The following SAMD4A variants were observed in gnomAD, a reference collection of about 807,000 sequenced individuals.
SAMD4A encodes the protein sterile alpha motif domain containing 4A, also known as protein Smaug homolog 1.
SAMD4A carries 33 observed loss-of-function variants against 81.3 expected under a neutral mutation model. That is an observed-to-expected ratio of 0.41 (90% CI 0.31 to 0.54). SAMD4A has a LOEUF of 0.54. Ranked by LOEUF, SAMD4A falls within the 20% of genes least tolerant of loss-of-function variation. The pLI is 0.37. For synonymous variants in SAMD4A, 389 were observed against 382.1 expected (o/e 1.02, Z -0.21); for missense variants, 854 against 951.1 (o/e 0.90, Z 1.34).
chr14:54,609,093 A>G (rs535490434), intron 2 of SAMD4A, among the ~76,000 whole-genome samples: 1 of 152,292 alleles, frequency 6.6e-6, no homozygotes, highest in East Asian at 1.9e-4. Context: ...TGTTACATGG[A>G]GTAGGGGGAT....
chr14:54,697,244 C>T (rs1176276144), intron 2 of SAMD4A, among the ~76,000 whole-genome samples: 1 of 152,158 alleles, frequency 6.6e-6, no homozygotes, highest in Non-Finnish European at 1.5e-5. Flanking sequence ...CTCATGCTAA[C>T]TAGAAAGCAG....
intron 2 of SAMD4A, among the ~76,000 whole-genome samples, chr14:54,655,411 G>A (rs920397851): frequency 1.3e-5 from 2 of 152,154 alleles, no homozygotes; most frequent in Admixed American, 6.5e-5. Context: ...TCTTTGTTGA[G>A]AGACATTAAA....
At chr14:54,764,181 T>C (rs1457820058) in intron 7 of SAMD4A, among the ~76,000 whole-genome samples, 2 of 152,226 alleles carry the variant, frequency 1.3e-5, no homozygotes, top group Admixed American at 1.3e-4. Context: ...TGCTGTGTTC[T>C]TCCTCTTATT....
intron 2 of SAMD4A, among the ~76,000 whole-genome samples, chr14:54,598,152 A>C (rs937924167): frequency 4.6e-5 from 7 of 152,234 alleles, no homozygotes; most frequent in Non-Finnish European, 8.8e-5. Context: ...GTGAAAACTG[A>C]GACACAAACA....
rs879495278 is a variant in SAMD4A at position 54,752,754 on chromosome 14, G to A, written c.1176+1217G>A. 1.4e-3 allele frequency among the ~76,000 whole-genome samples: 218 copies of A among 152,254 alleles called. 1 individual carries two copies. Among genetic ancestry groups the A allele is most frequent in the Admixed American group, 0.013 (193 of 15,290 alleles). The stretch of plus-strand genomic sequence containing the variant: ...ACTCAGCATACGAAGGACCTGCACC[G>A]GCACCGGTCTCTGAGTTCCCTGTTT... On this transcript the variant is annotated intron_variant, in intron 6 of 12. Coordinates refer to ENST00000554335, the MANE Select transcript of SAMD4A (RefSeq NM_015589.6).
intron 2 of SAMD4A, among the ~76,000 whole-genome samples, chr14:54,691,258 C>T (rs17729462): frequency 0.32 from 49,173 of 151,946 alleles, 9,971 homozygotes; most frequent in Non-Finnish European, 0.45. Context: ...GGATGAGGCC[C>T]TTGTCTGGAG....
At chr14:54,568,319 G>T (rs2033012554) in intron 2 of SAMD4A, among the ~76,000 whole-genome samples, 1 of 151,910 alleles carries the variant, frequency 6.6e-6, no homozygotes, top group Admixed American at 6.6e-5. Flanking sequence ...GCCGCTTTGG[G>T]ATTTTGCCCA....
chr14:54,737,795 A>G (rs922223197), intron 4 of SAMD4A, among the ~76,000 whole-genome samples: 10 of 152,066 alleles, frequency 6.6e-5, no homozygotes, highest in Non-Finnish European at 1.0e-4. Context: ...ATATCCAAAG[A>G]AACCTTTAAA....
At chr14:54,706,204 G>A (rs1282686351) in intron 3 of SAMD4A, among the ~76,000 whole-genome samples, 1 of 148,928 alleles carries the variant, frequency 6.7e-6, no homozygotes, top group African/African-American at 2.5e-5. Flanking sequence ...AAAAAAATTA[G>A]TCTGATGAGG....
chr14:54,733,823 T>C (rs1046071591), intron 3 of SAMD4A, among the ~76,000 whole-genome samples: 1 of 143,328 alleles, frequency 7.0e-6, no homozygotes, highest in Non-Finnish European at 1.6e-5. Flanking sequence ...TCCTGCCTAC[T>C]CATAGGAAAA....
chr14:54,599,323 G>A (rs1018280597), intron 2 of SAMD4A, among the ~76,000 whole-genome samples: 2 of 152,124 alleles, frequency 1.3e-5, no homozygotes, highest in South Asian at 2.1e-4. Flanking sequence ...CCAACATAAA[G>A]GCAACCTCTT....
chr14:54,576,230 A>G (rs1163571133), intron 2 of SAMD4A, among the ~76,000 whole-genome samples: 2 of 151,962 alleles, frequency 1.3e-5, no homozygotes, highest in African/African-American at 2.4e-5. Context: ...AAATACATAC[A>G]CAACATTGAC....
intron 3 of SAMD4A, among the ~76,000 whole-genome samples, chr14:54,713,829 C>T (rs1484481520): frequency 6.6e-6 from 1 of 152,154 alleles, no homozygotes; most frequent in East Asian, 1.9e-4. Flanking sequence ...ATGAGGCAGT[C>T]TTGATTAAGA....
intron 2 of SAMD4A, among the ~76,000 whole-genome samples, chr14:54,622,501 G>T (rs994372878): frequency 9.2e-5 from 14 of 152,310 alleles, no homozygotes; most frequent in African/African-American, 3.4e-4. Flanking sequence ...TGTCACATTT[G>T]GGTAATTCTG....
At position 54,671,941 on chromosome 14, in the gene SAMD4A, TA is replaced by T. The variant is rs560505828; in HGVS notation, c.197-30120del. On this transcript the variant is annotated intron_variant, in intron 2 of 12. Coordinates refer to ENST00000554335, the MANE Select transcript of SAMD4A (RefSeq NM_015589.6). The stretch of plus-strand genomic sequence containing the variant: ...TGGGGGCAGGAATGGAGAGTAGTGT[TA>T]GGGGGAGATTGGGAGATGGGGAGAA... 2.7e-5 allele frequency among the ~76,000 whole-genome samples: 4 copies of T among 150,016 alleles called. No homozygotes were observed. In the East Asian group the frequency reaches 5.9e-4, roughly 22 times the overall value.
At chr14:54,719,399 G>A (rs1044845796) in intron 3 of SAMD4A, among the ~76,000 whole-genome samples, 2 of 152,156 alleles carry the variant, frequency 1.3e-5, no homozygotes, top group Non-Finnish European at 2.9e-5. Context: ...ATCATTCAAA[G>A]TTGAGTCTGA....
At chr14:54,684,452 G>T (rs1020788411) in intron 2 of SAMD4A, among the ~76,000 whole-genome samples, 5 of 152,226 alleles carry the variant, frequency 3.3e-5, no homozygotes, top group Admixed American at 2.6e-4. Context: ...CCATTGTGGT[G>T]CCCAACAGGC....
chr14:54,580,038 G>A (rs553262998), intron 2 of SAMD4A, among the ~76,000 whole-genome samples: 34 of 152,274 alleles, frequency 2.2e-4, no homozygotes, highest in African/African-American at 7.9e-4. Context: ...TCATTTACTA[G>A]CAACATGCAA....
At position 54,571,963 on chromosome 14, in the gene SAMD4A, A is replaced by C. The variant is rs116850927; in HGVS notation, c.196+3851A>C. On this transcript the variant is annotated intron_variant, in intron 2 of 12. Coordinates refer to ENST00000554335, the MANE Select transcript of SAMD4A (RefSeq NM_015589.6). ...ATCCTCCACCCTGCGTTACTTTTTA[A>C]GGTTACAAATGGCATAAAAAGAAAG... 7.6e-4 allele frequency among the ~76,000 whole-genome samples: 115 copies of C among 152,310 alleles called. No individual in the cohort carries two copies. The East Asian group carries it at 0.021, about 27-fold the overall frequency.
Sources: gnomAD v4.1 joint callset for allele counts (sites outside exome capture counted in the v4.1 genomes callset) on GRCh38, gnomAD v4.1.1 for gene constraint, MANE v1.5 for transcripts, NCBI Gene and HGNC (gene_info 2026-07-23, HGNC 2026-07-21) for gene names.